Variants in GALNT13 observed in about 807,000 individuals in gnomAD.
The protein encoded by GALNT13 is UDP-GalNAc:polypeptide N-acetylgalactosaminyltransferase 13.
GALNT13 carries 28 observed loss-of-function variants against 64.2 expected under a neutral mutation model. That is an observed-to-expected ratio of 0.44 (90% CI 0.32 to 0.60). GALNT13 has a LOEUF of 0.60. GALNT13 is among the 20% of genes least tolerant of loss of function. The pLI is 0.05. For missense variants in GALNT13, 577 were observed against 669.8 expected, an observed-to-expected ratio of 0.86 and a Z score of 1.53; for synonymous variants, 214 against 224.6, an observed-to-expected ratio of 0.95 and a Z score of 0.42.
In GALNT13 at chr2:153,917,896, A is replaced by G. The variant is rs1044729466; in HGVS notation, c.-105+16889A>G. 1.9e-3 allele frequency among the ~76,000 whole-genome samples: 7 copies of G among 3,716 alleles called. No homozygotes were observed. In the East Asian group the frequency reaches 0.35, roughly 186 times the overall value. 2.4% of individuals were successfully genotyped at this position (3,716 alleles called of 152,430 possible). A position where few individuals can be genotyped will look rare whatever the true frequency, so the allele number is the denominator to read the frequency against. ...GAGGCAGAATGTCAATTAGGCAGTT[A>G]TCTGTTAATCATGACCACAGTTTTT... On this transcript the variant is annotated intron_variant, in intron 2 of 12. Transcript: ENST00000392825.
At chr2:154,287,047 G>A (rs961460056) in intron 8 of GALNT13, 6 of 671,942 alleles carry the variant, frequency 8.9e-6, no homozygotes, top group African/African-American at 1.8e-5. Flanking sequence ...GGTGAGTGAT[G>A]ACCTTACAGG....
chr2:153,718,522 T>C, the GALNT13 span, among the ~76,000 whole-genome samples: 1 of 152,156 alleles, frequency 6.6e-6, no homozygotes, highest in Non-Finnish European at 1.5e-5. Context: ...ATCCCTATTC[T>C]GGAGTTTGAG....
the GALNT13 span, among the ~76,000 whole-genome samples, chr2:153,348,737 G>T: frequency 6.6e-6 from 1 of 152,118 alleles, no homozygotes; most frequent in Non-Finnish European, 1.5e-5. Context: ...TATATGTAAA[G>T]CTTATTTTAA....
In GALNT13 at chr2:154,010,907, T is replaced by G. The variant is rs143413455; in HGVS notation, c.142+66268T>G. 4.0e-3 allele frequency among the ~76,000 whole-genome samples: 601 copies of G among 151,778 alleles called. 4 individuals carry two copies. The highest frequency in any genetic ancestry group is 0.012 in the African/African-American group (512 of 41,442). ...TTCATAATAGTCTCTGAGGGTTTTT[T>G]TGTGTGTGTGTGTGTATTTCTATGG... On this transcript the variant is annotated intron_variant, in intron 3 of 12. Transcript: ENST00000392825.
At chr2:153,250,684 T>G in the GALNT13 span, among the ~76,000 whole-genome samples, 1 of 152,152 alleles carries the variant, frequency 6.6e-6, no homozygotes, top group Non-Finnish European at 1.5e-5. Context: ...ATATACACCA[T>G]GAAATATTAT....
At chr2:153,987,194 A>G (rs1694855524) in intron 3 of GALNT13, among the ~76,000 whole-genome samples, 1 of 151,986 alleles carries the variant, frequency 6.6e-6, no homozygotes, top group South Asian at 2.1e-4. Flanking sequence ...TCTCTGGCCT[A>G]AGCAAATGTT....
chr2:153,449,392 C>G, the GALNT13 span, among the ~76,000 whole-genome samples: 192 of 152,202 alleles, frequency 1.3e-3, 2 homozygotes, highest in East Asian at 1.4e-3. Flanking sequence ...TAACTCCAGT[C>G]CCTCAAAGAA....
intron 4 of GALNT13, among the ~76,000 whole-genome samples, chr2:154,179,809 G>T (rs1047526526): frequency 6.2e-5 from 9 of 145,832 alleles, no homozygotes; most frequent in African/African-American, 2.1e-4. Flanking sequence ...CTGGTTTGGG[G>T]ACCCTCTTCC....
chr2:154,377,345 A>T (rs1485431101), intron 9 of GALNT13, among the ~76,000 whole-genome samples: 1 of 152,086 alleles, frequency 6.6e-6, no homozygotes. Flanking sequence ...TGACAATGGA[A>T]ATGTTTATTT....
chr2:153,879,536 TA>T (rs1344036569), intron 1 of GALNT13, among the ~76,000 whole-genome samples: 1 of 121,016 alleles, frequency 8.3e-6, no homozygotes, highest in Non-Finnish European at 1.7e-5. Context: ...GGCTAATTTT[TA>T]ATTTTTTTTT....
chr2:154,242,687 A>C lies in GALNT13; in HGVS notation c.479-11A>C, dbSNP rs1201458433. ...AAAAATTTTTCTTATAAATTCTTAT[A>C]CATGTTACAGATTTTCTCAAGTTGA... On this transcript the variant is annotated splice_polypyrimidine_tract_variant and intron_variant, in intron 5 of 12. Transcript: ENST00000392825. The C allele has an allele frequency of 6.3e-7, 1 of 1,578,146 alleles. No individual in the cohort carries two copies. The highest frequency in any genetic ancestry group is 8.7e-7 in the Non-Finnish European group (1 of 1,148,414).
chr2:154,193,138 A>G (rs777319436), intron 4 of GALNT13, among the ~76,000 whole-genome samples: 1 of 152,220 alleles, frequency 6.6e-6, no homozygotes, highest in South Asian at 2.1e-4. Context: ...TGCTCAGGAT[A>G]AGAGTACAAA....
the GALNT13 span, among the ~76,000 whole-genome samples, chr2:153,408,880 G>C: frequency 2.0e-5 from 3 of 152,144 alleles, no homozygotes; most frequent in East Asian, 5.8e-4. Flanking sequence ...CAGTGAGTCA[G>C]AGGCAGATGC....
the GALNT13 span, among the ~76,000 whole-genome samples, chr2:153,647,525 C>A: frequency 3.9e-5 from 6 of 152,144 alleles, no homozygotes; most frequent in Non-Finnish European, 2.9e-5. Flanking sequence ...GTGTATTAAA[C>A]ATGAAGTCCT....
chr2:154,365,073 A>AT (rs1402536961), intron 9 of GALNT13, among the ~76,000 whole-genome samples: 1 of 152,144 alleles, frequency 6.6e-6, no homozygotes, highest in Non-Finnish European at 1.5e-5. Context: ...ACATCGTTCA[A>AT]TTTTCACATG....
intron 3 of GALNT13, among the ~76,000 whole-genome samples, chr2:154,129,319 T>G (rs530425299): frequency 1.3e-5 from 2 of 152,302 alleles, no homozygotes; most frequent in Admixed American, 6.5e-5. Flanking sequence ...CATTTGAACT[T>G]TATCCCTATT....
chr2:153,365,999 C>A, the GALNT13 span, among the ~76,000 whole-genome samples: 4 of 152,190 alleles, frequency 2.6e-5, no homozygotes, highest in Admixed American at 2.6e-4. Context: ...CCCAAATGTC[C>A]ATCAGTGATA....
At chr2:153,243,201 G>C in the GALNT13 span, among the ~76,000 whole-genome samples, 1 of 152,100 alleles carries the variant, frequency 6.6e-6, no homozygotes, top group Non-Finnish European at 1.5e-5. Context: ...GATTGGCTTT[G>C]GGTTGCCTGT....
chr2:154,440,897 A>T (rs1440200108), intron 12 of GALNT13, among the ~76,000 whole-genome samples: 1 of 152,162 alleles, frequency 6.6e-6, no homozygotes, highest in Non-Finnish European at 1.5e-5. Flanking sequence ...GATTTTTTTT[A>T]AACAAAATTG....
Sources: gnomAD v4.1 joint callset for allele counts (sites outside exome capture counted in the v4.1 genomes callset) on GRCh38, gnomAD v4.1.1 for gene constraint, MANE v1.5 for transcripts, NCBI Gene and HGNC (gene_info 2026-07-23, HGNC 2026-07-21) for gene names.